Variants in EXOC6 observed in about 807,000 individuals in gnomAD.
EXOC6 encodes the protein SEC15-like 1.
In EXOC6, 60 loss-of-function variants were observed where a neutral mutation model predicts 112.5. The ratio of observed to expected loss-of-function variants is 0.53; its 90% CI spans 0.43 to 0.66. The LOEUF (loss-of-function observed/expected upper bound fraction) is 0.66. EXOC6 is among the 30% of genes least tolerant of loss of function. The pLI is 0.00. For missense variants in EXOC6, 855 were observed against 957.1 expected (o/e 0.89, Z 1.41); for synonymous variants, 295 against 308.0 (o/e 0.96, Z 0.44).
chr10:92,945,054 G>A (rs144754390), intron 13 of EXOC6, among the ~76,000 whole-genome samples: 1,570 of 152,198 alleles, frequency 0.01, 32 homozygotes, highest in African/African-American at 0.036. Context: ...TTACAGGTGC[G>A]AGCCACTGTG....
chr10:92,936,124 G>T (rs1258641039), intron 12 of EXOC6, among the ~76,000 whole-genome samples: 1 of 152,016 alleles, frequency 6.6e-6, no homozygotes, highest in Non-Finnish European at 1.5e-5. Context: ...CATTCAGTTA[G>T]AATAAAGTAT....
chr10:92,831,223 A>C (rs1002428990), upstream of EXOC6: 1 of 651,762 alleles, frequency 1.5e-6, no homozygotes, highest in Admixed American at 2.4e-5. Flanking sequence ...GAGTAGAGGG[A>C]GGGTGGGGAG....
chr10:92,999,222 AG>A, intron 19 of EXOC6: 7 of 395,758 alleles, frequency 1.8e-5, no homozygotes, highest in Admixed American at 3.3e-5. Flanking sequence ...TTTTTTTACA[AG>A]TTTTTTTTTT....
chr10:93,019,825 A>T (rs1844699863), intron 20 of EXOC6, among the ~76,000 whole-genome samples: 1 of 152,126 alleles, frequency 6.6e-6, no homozygotes, highest in South Asian at 2.1e-4. Context: ...GTTCATACCG[A>T]TATTAGAGGC....
At chr10:92,894,427 T>C (rs1274971673) in intron 2 of EXOC6, among the ~76,000 whole-genome samples, 2 of 152,192 alleles carry the variant, frequency 1.3e-5, no homozygotes, top group Non-Finnish European at 2.9e-5. Flanking sequence ...TAAAATGCAA[T>C]CACCATTTCC....
intron 18 of EXOC6, among the ~76,000 whole-genome samples, chr10:92,995,796 A>C (rs561556798): frequency 3.5e-4 from 54 of 152,254 alleles, no homozygotes; most frequent in Non-Finnish European, 6.2e-4. Context: ...TATTGTTTGC[A>C]TCGGCTTTTA....
intron 14 of EXOC6, among the ~76,000 whole-genome samples, chr10:92,950,576 G>A (rs932021626): frequency 6.6e-6 from 1 of 152,172 alleles, no homozygotes; most frequent in African/African-American, 2.4e-5. Context: ...ATTCACAGAA[G>A]TTTGCATTGC....
intron 18 of EXOC6, among the ~76,000 whole-genome samples, chr10:92,984,818 C>T (rs61862344): frequency 0.011 from 1,718 of 151,928 alleles, 20 homozygotes; most frequent in Non-Finnish European, 0.017. Context: ...GGCAATGTGG[C>T]GAAACCCTGT....
At chr10:92,947,352 A>G (rs1853086377) in intron 13 of EXOC6, among the ~76,000 whole-genome samples, 1 of 152,214 alleles carries the variant, frequency 6.6e-6, no homozygotes, top group Non-Finnish European at 1.5e-5. Context: ...TCAAAGCAAC[A>G]CATGTCACTT....
At chr10:92,998,697 T>TAAAAAA (rs901360725) in intron 19 of EXOC6, among the ~76,000 whole-genome samples, 1 of 150,260 alleles carries the variant, frequency 6.7e-6, no homozygotes, top group African/African-American at 2.4e-5. Context: ...CCCATTTATT[T>TAAAAAA]AAAAAAAAAG....
At chr10:92,860,799 T>C (rs1017349280) in intron 1 of EXOC6, among the ~76,000 whole-genome samples, 3 of 152,220 alleles carry the variant, frequency 2.0e-5, no homozygotes, top group Admixed American at 6.5e-5. Context: ...CTTCCTTTTT[T>C]AGGCAGAATG....
intron 18 of EXOC6, among the ~76,000 whole-genome samples, chr10:92,976,658 TA>T (rs1008340177): frequency 3.8e-4 from 49 of 129,006 alleles, no homozygotes; most frequent in African/African-American, 8.3e-4. Flanking sequence ...GAATGATCAG[TA>T]AAAAAAAAAA....
intron 20 of EXOC6, among the ~76,000 whole-genome samples, chr10:93,046,158 C>T (rs111990171): frequency 7.2e-5 from 11 of 152,164 alleles, no homozygotes; most frequent in South Asian, 4.1e-4. Flanking sequence ...TGCCAGTTAC[C>T]GGGCTAAATG....
chr10:92,939,464 C>G (rs1852536008), intron 12 of EXOC6, among the ~76,000 whole-genome samples: 1 of 151,578 alleles, frequency 6.6e-6, no homozygotes, highest in Non-Finnish European at 1.5e-5. Context: ...TTTCTAGATT[C>G]TCTGTTGATA....
In EXOC6 at chr10:92,952,337, A is replaced by T; in HGVS notation, c.1481A>T (p.Glu494Val). The T allele has an allele frequency of 6.2e-7, 1 of 1,612,968 alleles. No homozygotes were observed. The highest frequency in any genetic ancestry group is 8.5e-7 in the Non-Finnish European group (1 of 1,179,300). ...SVPHIYIQVKEFIYASLKFSE... is the reference protein window; with the variant it reads ...SVPHIYIQVKVFIYASLKFSE... ...CCTCATATTTACATTCAAGTTAAAGAATTTATTTATGCCAGCCTTAAATTT... is the reference window on the plus strand; with the variant it reads ...CCTCATATTTACATTCAAGTTAAAGTATTTATTTATGCCAGCCTTAAATTT... Residue 494 changes from glutamate to valine, a missense_variant, in exon 15 of 22, where the codon GAA becomes GTA. By Grantham distance (121) the Glu-to-Val change is moderately radical. This residue lies in a region of EXOC6 where 450 missense variants were observed against 563.5 expected (regional missense o/e 0.80). Coordinates refer to ENST00000260762, the MANE Select transcript of EXOC6 (RefSeq NM_019053.6).
At chr10:92,903,391 A>G (rs118052097) in intron 5 of EXOC6, among the ~76,000 whole-genome samples, 3,893 of 149,952 alleles carry the variant, frequency 0.026, 63 homozygotes, top group South Asian at 0.057. Context: ...TTTTTTTACC[A>G]TCAGTGAAAT....
At chr10:92,993,206 A>G (rs1843342976) in intron 18 of EXOC6, among the ~76,000 whole-genome samples, 1 of 152,102 alleles carries the variant, frequency 6.6e-6, no homozygotes, top group Admixed American at 6.6e-5. Context: ...CCTTTTATCA[A>G]TGTAAAGAAT....
At chr10:92,926,102 C>A (rs966126684) in intron 8 of EXOC6, among the ~76,000 whole-genome samples, 62 of 149,640 alleles carry the variant, frequency 4.1e-4, no homozygotes, top group African/African-American at 1.4e-3. Flanking sequence ...GAATTTGAAC[C>A]AGAAAGTATA....
intron 20 of EXOC6, among the ~76,000 whole-genome samples, chr10:93,017,860 A>AT (rs1844604692): frequency 6.6e-6 from 1 of 151,952 alleles, no homozygotes; most frequent in Non-Finnish European, 1.5e-5. Flanking sequence ...AAATGCAAAA[A>AT]TTAGCTGGGC....
Sources: allele counts gnomAD v4.1 joint callset (sites outside exome capture counted in the v4.1 genomes callset), GRCh38; gene constraint gnomAD v4.1.1; regional missense constraint gnomAD v4.1.1; transcripts MANE v1.5; gene names NCBI Gene and HGNC (gene_info 2026-07-23, HGNC 2026-07-21).